Variants in MYCBP2 observed in about 807,000 individuals in gnomAD.
MYCBP2 encodes the protein MYC binding protein 2, also known as E3 ubiquitin-protein ligase MYCBP2.
Under a neutral mutation model 525.3 loss-of-function variants are expected in MYCBP2, and 120 were observed. The observed-to-expected ratio is 0.23, with a 90% CI of 0.20 to 0.27. The LOEUF (loss-of-function observed/expected upper bound fraction) is 0.27. Ranked by LOEUF, MYCBP2 falls within the 10% of genes least tolerant of loss-of-function variation. MYCBP2 has a pLI of 1.00. For synonymous variants in MYCBP2, 1,894 were observed against 1,955.8 expected (o/e 0.97, Z 0.83); for missense variants, 4,149 against 5,657.1 (o/e 0.73, Z 8.55).
Position 77,046,032 on chromosome 13 carries a change from A to G in MYCBP2, c.13922-539T>C, listed in dbSNP as rs550789265. Among the ~76,000 whole-genome samples the G allele has an allele frequency of 1.4e-3, 217 of 152,346 alleles. 1 individual carries two copies. The highest frequency in any genetic ancestry group is 4.9e-3 in the African/African-American group (205 of 41,576). On this transcript the variant is annotated intron_variant, in intron 82 of 82. Coordinates refer to ENST00000544440, the MANE Select transcript of MYCBP2 (RefSeq NM_015057.5). ...TAATTTTTAAAAGTACCTGAAGGAT[A>G]TTAGCAGGAAAATGAAAGTTATCAG... is the stretch of plus-strand genomic sequence containing the variant.
chr13:77,132,645 AC>A (rs150417680), intron 52 of MYCBP2, among the ~76,000 whole-genome samples: 3,368 of 152,156 alleles, frequency 0.022, 55 homozygotes, highest in Middle Eastern at 0.075. Flanking sequence ...CTTGATATAA[AC>A]TTTCTCTTCC....
At chr13:77,072,766 A>G (rs2041602757) in intron 68 of MYCBP2, among the ~76,000 whole-genome samples, 1 of 152,220 alleles carries the variant, frequency 6.6e-6, no homozygotes, top group South Asian at 2.1e-4. Flanking sequence ...CCAGAAACTT[A>G]GATGAAATGG....
intron 62 of MYCBP2, among the ~76,000 whole-genome samples, chr13:77,083,535 A>C (rs570980681): frequency 6.6e-6 from 1 of 151,808 alleles, no homozygotes; most frequent in African/African-American, 2.4e-5. Flanking sequence ...ATACACATAC[A>C]TATATGTAGG....
Position 77,089,046 on chromosome 13 carries a change from G to GA in MYCBP2, c.10526-16dup. 1 of 1,584,676 alleles carries GA rather than the reference G, an allele frequency of 6.3e-7. No individual in the cohort carries two copies. The highest frequency in any genetic ancestry group is 8.6e-7 in the Non-Finnish European group (1 of 1,163,760). On this transcript the variant is annotated splice_polypyrimidine_tract_variant and intron_variant, in intron 60 of 82. Transcript: ENST00000544440. ...AGAACCAACTTCTATTAAAGAAAAA[G>GA]AAAATTATTAATTTTCATAGGCAGT...
chr13:77,058,797 C>CA lies in MYCBP2; in HGVS notation c.13141-392dup, dbSNP rs1594104150. On this transcript the variant is annotated intron_variant, in intron 77 of 82. Coordinates refer to ENST00000544440, the MANE Select transcript of MYCBP2 (RefSeq NM_015057.5). This position sits in a 1 kb window ranked among gnomAD's most constrained non-coding sequence, Gnocchi z 4.1. ...ATCAGGAGTTTGAGACCAGCCTGAC[C>CA]AATATGGTGAAACCCCATCTCTACT... Among the ~76,000 whole-genome samples, 1 of 151,934 alleles carries CA rather than the reference C, an allele frequency of 6.6e-6. No individual in the cohort carries two copies. The highest frequency in any genetic ancestry group is 2.4e-5 in the African/African-American group (1 of 41,368).
Position 77,177,851 on chromosome 13 carries a change from G to C in MYCBP2, c.5237C>G (p.Ala1746Gly). Residue 1746 changes from alanine to glycine, a missense_variant, in exon 35 of 83, where the codon GCA becomes GGA. By Grantham distance (60) the Ala-to-Gly change is moderately conservative. Coordinates refer to ENST00000544440, the MANE Select transcript of MYCBP2 (RefSeq NM_015057.5). ...SWNTGNGSPD[A>G]ICFSVDKPGI... ...AGGTTTGTCTACTGAAAAACAGATT[G>C]CATCAGGGGACCCGTTCCCAGTGTT... The C allele has an allele frequency of 6.2e-7, 1 of 1,613,698 alleles. No individual in the cohort carries two copies. Among genetic ancestry groups the C allele is most frequent in the Non-Finnish European group, 8.5e-7 (1 of 1,179,630 alleles).
intron 23 of MYCBP2, among the ~76,000 whole-genome samples, chr13:77,208,131 A>G (rs1566929325): frequency 6.6e-6 from 1 of 151,986 alleles, no homozygotes; most frequent in East Asian, 1.9e-4. Context: ...ACATCCTCTC[A>G]TTTTTTCTTT....
Position 77,251,336 on chromosome 13 carries a change from C to G in MYCBP2, c.2196G>C (p.Met732Ile), listed in dbSNP as rs765484651. The G allele has an allele frequency of 1.2e-6, 2 of 1,613,926 alleles. No individual in the cohort carries two copies. Among genetic ancestry groups the G allele is most frequent in the African/African-American group, 2.7e-5 (2 of 74,898 alleles). The change falls in exon 15 of 83, where the codon ATG becomes ATC. Residue 732 changes from methionine to isoleucine, a missense_variant. Met to Ile is a conservative substitution (Grantham distance 10, BLOSUM62 1). Transcript: ENST00000544440. Reference protein sequence around the residue: ...QGGKGFGVENMATAMDEDLEE... With the variant: ...QGGKGFGVENIATAMDEDLEE... ...CCAGGTCTTCATCCATTGCTGTTGC[C>G]ATATTTTCAACTCCAAACCCTATTT...
In MYCBP2 at chr13:77,133,156, T is replaced by C. The variant is rs114816028; in HGVS notation, c.7659+6040A>G. Among the ~76,000 whole-genome samples, 669 of 152,268 alleles carry C rather than the reference T, an allele frequency of 4.4e-3. 5 individuals are homozygous for C. Among genetic ancestry groups the C allele is most frequent in the African/African-American group, 0.015 (624 of 41,562 alleles). ...TTAATGCATACGGAACATAAATGCA[T>C]GGGCTTTGGAATCATATCAACTGGT... is the stretch of plus-strand genomic sequence containing the variant. On this transcript the variant is annotated intron_variant, in intron 52 of 82. Coordinates refer to ENST00000544440, the MANE Select transcript of MYCBP2 (RefSeq NM_015057.5).
chr13:77,309,473 A>G (rs1335324565), intron 1 of MYCBP2, among the ~76,000 whole-genome samples: 1 of 152,274 alleles, frequency 6.6e-6, no homozygotes, highest in African/African-American at 2.4e-5. Flanking sequence ...AGTCAAATGC[A>G]TATCTGAAAT....
chr13:77,057,155 G>A lies in MYCBP2; in HGVS notation c.13330-62C>T, dbSNP rs1041878130. 114 of 1,201,532 alleles carry A rather than the reference G, an allele frequency of 9.5e-5. No individual in the cohort carries two copies. The Admixed American group carries it at 1.9e-3, about 20-fold the overall frequency. The allele number at this position is 1,201,532 out of a possible 1,614,324, so 74.4% of individuals were successfully genotyped here. A position where few individuals can be genotyped will look rare whatever the true frequency, so the allele number is the denominator to read the frequency against. ...AATAATGATAAACAGTTGAGTGACT[G>A]GGAGATTATTTAATGCAAGGCACTA... On this transcript the variant is annotated intron_variant, in intron 78 of 82. Coordinates refer to ENST00000544440, the MANE Select transcript of MYCBP2 (RefSeq NM_015057.5).
chr13:77,204,021 G>C (rs2062971680), intron 26 of MYCBP2, among the ~76,000 whole-genome samples: 1 of 151,756 alleles, frequency 6.6e-6, no homozygotes, highest in Non-Finnish European at 1.5e-5. Context: ...AAAAGCAATG[G>C]CAACAAAAGA....
chr13:77,140,327 C>A (rs1039984826), intron 50 of MYCBP2, among the ~76,000 whole-genome samples, 164 bp from the exon 51 acceptor site: 5 of 152,124 alleles, frequency 3.3e-5, no homozygotes, highest in Non-Finnish European at 7.4e-5. Flanking sequence ...TATAACAACA[C>A]TAACAACAGA....
intron 54 of MYCBP2, 104 bp downstream of exon 54, chr13:77,125,232 G>A: frequency 2.1e-6 from 3 of 1,407,052 alleles, no homozygotes; most frequent in Non-Finnish European, 2.9e-6. Context: ...TTGTTAAAAA[G>A]CAAACACACA....
intron 2 of MYCBP2, among the ~76,000 whole-genome samples, chr13:77,294,279 A>C (rs928613492): frequency 2.0e-5 from 3 of 151,264 alleles, no homozygotes; most frequent in Admixed American, 6.6e-5. Context: ...GAGACTAACA[A>C]CACCATTTTA....
intron 23 of MYCBP2, among the ~76,000 whole-genome samples, chr13:77,207,917 C>G (rs2063534148): frequency 6.6e-6 from 1 of 152,070 alleles, no homozygotes; most frequent in African/African-American, 2.4e-5. Context: ...TGGTAAGAGA[C>G]AAGAAGATAC....
In MYCBP2 at chr13:77,098,336, T is replaced by G; in HGVS notation, c.8818A>C (p.Thr2940Pro). 6.2e-7 allele frequency: 1 copy of G among 1,612,040 alleles called. No homozygotes were observed. Among genetic ancestry groups the G allele is most frequent in the Non-Finnish European group, 8.5e-7 (1 of 1,179,762 alleles). Residue 2940 changes from threonine to proline, a missense_variant, in exon 56 of 83, where the codon ACT (threonine) becomes CCT (proline). Thr to Pro is a conservative substitution (Grantham distance 38, BLOSUM62 -1). Around this residue, in one of 21 missense-constraint regions of MYCBP2, gnomAD observed 653 missense variants for 744.7 expected, o/e 0.88. Transcript: ENST00000544440. ...TCTGTTAGACTATTTGTTTTTAAAG[T>G]ACTTGAGGTGCAGACTTCGACCACC... ...SEVVEVCTSS[T>P]LKTNSLTDST...
intron 43 of MYCBP2, among the ~76,000 whole-genome samples, chr13:77,163,501 AGAAAATAAAACTT>A (rs1397778702): frequency 1.3e-5 from 2 of 152,176 alleles, no homozygotes; most frequent in African/African-American, 4.8e-5. Flanking sequence ...TGGGGGGGTA[AGAAAATAAAACTT>A]TAAACCATGT....
intron 8 of MYCBP2, among the ~76,000 whole-genome samples, chr13:77,267,276 A>G (rs1487555337): frequency 6.6e-6 from 1 of 151,872 alleles, no homozygotes; most frequent in East Asian, 1.9e-4. Context: ...AGCAAAATAA[A>G]CTGTGTCCAA....
Sources: allele counts gnomAD v4.1 joint callset (sites outside exome capture counted in the v4.1 genomes callset), GRCh38; gene constraint gnomAD v4.1.1; regional missense constraint gnomAD v4.1.1; non-coding constraint Gnocchi (gnomAD v3.1); transcripts MANE v1.5; gene names NCBI Gene and HGNC (gene_info 2026-07-23, HGNC 2026-07-21).